GOLGB1: variants seen among roughly 807,000 people sequenced by gnomAD.
The protein encoded by GOLGB1 is golgin subfamily B member 1.
In GOLGB1, 174 loss-of-function variants were observed where a neutral mutation model predicts 336.9. The observed-to-expected ratio is 0.52, with a 90% confidence interval of 0.46 to 0.59. The LOEUF is 0.59. Among genes scored for constraint, GOLGB1 ranks in the 20% least tolerant of loss-of-function variants. The probability of loss-of-function intolerance (pLI) is 0.00; values close to 1 mark genes in which losing one functional copy is unlikely to be tolerated. For synonymous variants in GOLGB1, 1,208 were observed against 1,289.2 expected, an observed-to-expected ratio of 0.94 and a Z score of 1.35; for missense variants, 3,331 against 3,645.3, an observed-to-expected ratio of 0.91 and a Z score of 2.22.
At chr3:121,668,357 T>C in intron 18 of GOLGB1, 199 bp from the exon 19 acceptor site, 1 of 418,544 alleles carries the variant, frequency 2.4e-6, no homozygotes, top group Non-Finnish European at 4.2e-6. Flanking sequence ...TCCCAGATTC[T>C]CATTCTTGAA....
intron 10 of GOLGB1, among the ~76,000 whole-genome samples, chr3:121,710,443 T>C (rs556518563): frequency 6.6e-6 from 1 of 152,136 alleles, no homozygotes; most frequent in African/African-American, 2.4e-5. Context: ...CACAAAATAT[T>C]AGCAAATCAA....
chr3:121,674,226 T>C (rs1940006250), intron 17 of GOLGB1, among the ~76,000 whole-genome samples: 1 of 152,174 alleles, frequency 6.6e-6, no homozygotes, highest in Admixed American at 6.5e-5. Flanking sequence ...TCCTTTCCAA[T>C]CTGGATGTGC....
rs562446082 is a variant in GOLGB1 at position 121,671,098 on chromosome 3, A to G, written c.9178-1743T>C. ...ATGGCTGCGTTTGTGTTACAACTGC[A>G]AAGATGAGTAGTTGTTAACAAAGAC... On this transcript the variant is annotated intron_variant, in intron 17 of 21. Transcript: ENST00000614479. Among the ~76,000 whole-genome samples the G allele has an allele frequency of 1.1e-3, 167 of 152,346 alleles. 1 individual carries two copies. Among genetic ancestry groups the G allele is most frequent in the Non-Finnish European group, 8.2e-4 (56 of 68,026 alleles).
At chr3:121,687,109 C>G (rs1377546488) in intron 14 of GOLGB1, among the ~76,000 whole-genome samples, 1 of 152,114 alleles carries the variant, frequency 6.6e-6, no homozygotes, top group Non-Finnish European at 1.5e-5. Context: ...CCCATCTCTA[C>G]TAAAAATACA....
At position 121,694,023 on chromosome 3, in the gene GOLGB1, A is replaced by G; in HGVS notation, c.6500T>C (p.Ile2167Thr). ...GTCTTTCTTGTTCAAAGTAACCTGA[A>G]TCTCTCCAATTGTCTCTTCCAAGTG... Reference protein sequence around the residue: ...KVHLEETIGEIQVTLNKKDKE... With the variant: ...KVHLEETIGETQVTLNKKDKE... Residue 2167 changes from isoleucine to threonine, a missense_variant, in exon 13 of 22, where the codon ATT (isoleucine) becomes ACT (threonine). Coordinates refer to ENST00000614479, the MANE Select transcript of GOLGB1 (RefSeq NM_001366282.2). 6.2e-7 allele frequency: 1 copy of G among 1,614,082 alleles called. No homozygotes were observed. The highest frequency in any genetic ancestry group is 1.1e-5 in the South Asian group (1 of 91,074).
intron 1 of GOLGB1, among the ~76,000 whole-genome samples, chr3:121,739,865 A>G (rs1170957817): frequency 1.3e-5 from 2 of 152,232 alleles, no homozygotes; most frequent in Non-Finnish European, 2.9e-5. Flanking sequence ...CCCATCACAT[A>G]CTTCTCAGAA....
At chr3:121,734,474 A>C (rs1946351452) in intron 1 of GOLGB1, among the ~76,000 whole-genome samples, 1 of 152,148 alleles carries the variant, frequency 6.6e-6, no homozygotes, top group South Asian at 2.1e-4. Context: ...TTGTATCCAG[A>C]ATCTAAAACA....
intron 17 of GOLGB1, among the ~76,000 whole-genome samples, chr3:121,676,234 A>G (rs1204529708): frequency 6.6e-6 from 1 of 152,196 alleles, no homozygotes; most frequent in Non-Finnish European, 1.5e-5. Context: ...CTTCGTCCTA[A>G]CACCTCAGGC....
chr3:121,676,846 G>A, intron 17 of GOLGB1, 47 bp downstream of exon 17: 5 of 1,572,894 alleles, frequency 3.2e-6, no homozygotes, highest in Non-Finnish European at 4.4e-6. Context: ...TCTTGTTCCA[G>A]TCATGGAAAA....
intron 14 of GOLGB1, 31 bp downstream of exon 14, chr3:121,690,639 A>G: frequency 2.5e-6 from 3 of 1,189,842 alleles, no homozygotes; most frequent in South Asian, 3.4e-5. Context: ...AAACTCTTAA[A>G]CAGATCAGAA....
rs747053016 is a variant in GOLGB1 at position 121,677,456 on chromosome 3, A to C, written c.8874-6T>G. On this transcript the variant is annotated splice_region_variant and splice_polypyrimidine_tract_variant and intron_variant, in intron 15 of 21. Coordinates refer to ENST00000614479, the MANE Select transcript of GOLGB1 (RefSeq NM_001366282.2). ...CCCAGGAACTCTTCTCCATCCTAGAAAAAACATGACACAATCACAGGTAAA... is the reference window on the plus strand; with the variant it reads ...CCCAGGAACTCTTCTCCATCCTAGACAAAACATGACACAATCACAGGTAAA... The C allele has an allele frequency of 6.3e-7, 1 of 1,599,550 alleles. No homozygotes were observed. Among genetic ancestry groups the C allele is most frequent in the East Asian group, 2.2e-5 (1 of 44,818 alleles).
chr3:121,690,796 C>T lies in GOLGB1; in HGVS notation c.8568G>A (p.Glu2856=), dbSNP rs549478880. Residue 2856 remains glutamate (E), a synonymous_variant, in exon 14 of 22, where the codon GAG becomes GAA. Transcript: ENST00000614479. ...CCTCTGACTTTCGAAATTTCTCCAG[C>T]TCATTCCACAGGTGATCTCTCTCAT... is the stretch of plus-strand genomic sequence containing the variant. ...LQNERDHLWN[E]LEKFRKSEEG... The T allele has an allele frequency of 3.4e-5, 55 of 1,601,810 alleles. No individual in the cohort carries two copies. Among genetic ancestry groups the T allele is most frequent in the Non-Finnish European group, 4.6e-5 (54 of 1,174,932 alleles).
intron 4 of GOLGB1, among the ~76,000 whole-genome samples, chr3:121,727,508 G>A (rs1945769153): frequency 6.6e-6 from 1 of 151,126 alleles, no homozygotes; most frequent in Admixed American, 6.6e-5. Context: ...TATTCTGAGG[G>A]CAAAACCAGT....
chr3:121,704,886 A>C (rs1435753598), intron 10 of GOLGB1, among the ~76,000 whole-genome samples: 5 of 152,104 alleles, frequency 3.3e-5, no homozygotes. Flanking sequence ...ATTTTTAGAT[A>C]AGAAAAAAAC....
Position 121,697,549 on chromosome 3 carries a change from C to T in GOLGB1, c.2974G>A (p.Glu992Lys). ...AGCTTTCTCTTTCTCTGCTCATTTT[C>T]TTTCTTCAGAAGGTCAAATTCATGC... The part of the protein sequence containing the change: ...LQHEFDLLKK[E>K]NEQRKRKLQA... The change falls in exon 13 of 22, where the codon GAA becomes AAA. Residue 992 changes from glutamate to lysine, a missense_variant. Transcript: ENST00000614479. 1 of 1,613,722 alleles carries T rather than the reference C, an allele frequency of 6.2e-7. No homozygotes were observed. The highest frequency in any genetic ancestry group is 8.5e-7 in the Non-Finnish European group (1 of 1,179,916).
chr3:121,702,832 AGATTGAAGCCTG>A (rs1031758079), intron 10 of GOLGB1, among the ~76,000 whole-genome samples: 6 of 152,232 alleles, frequency 3.9e-5, no homozygotes, highest in African/African-American at 1.4e-4. Flanking sequence ...TTTAAATTTA[AGATTGAAGCCTG>A]GATTACAAAG....
At position 121,668,053 on chromosome 3, in the gene GOLGB1, T is replaced by A. The variant is rs770545810; in HGVS notation, c.9419+8A>T. On this transcript the variant is annotated splice_region_variant and intron_variant, in intron 19 of 21. Coordinates refer to ENST00000614479, the MANE Select transcript of GOLGB1 (RefSeq NM_001366282.2). ...TATGCTCCAGGGTTTAGAGAGCCAC[T>A]CCCCTACCTTTGCTGCGGTTCCCTT... is the stretch of plus-strand genomic sequence containing the variant. The A allele has an allele frequency of 1.3e-6, 2 of 1,516,060 alleles. No homozygotes were observed. The highest frequency in any genetic ancestry group is 4.5e-5 in the East Asian group (2 of 44,072). The allele number at this position is 1,516,060 out of a possible 1,614,324, so 93.9% of individuals were successfully genotyped here. A position where few individuals can be genotyped will look rare whatever the true frequency, so the allele number is the denominator to read the frequency against.
At chr3:121,684,599 T>C (rs1941523781) in intron 14 of GOLGB1, among the ~76,000 whole-genome samples, 1 of 152,114 alleles carries the variant, frequency 6.6e-6, no homozygotes. Flanking sequence ...TCAGAATAGC[T>C]TTAGACTTGT....
At chr3:121,730,640 G>A (rs747795957) in intron 2 of GOLGB1, among the ~76,000 whole-genome samples, 2 of 152,166 alleles carry the variant, frequency 1.3e-5, no homozygotes, top group African/African-American at 2.4e-5. Flanking sequence ...ACAAGGCCCA[G>A]GGAGACAAAT....
Sources: gnomAD v4.1 joint callset for allele counts (sites outside exome capture counted in the v4.1 genomes callset) on GRCh38, gnomAD v4.1.1 for gene constraint, MANE v1.5 for transcripts, NCBI Gene and HGNC (gene_info 2026-07-23, HGNC 2026-07-21) for gene names.